Variants in MEMO1 observed in about 807,000 individuals in gnomAD.
MEMO1 encodes the protein mediator of cell motility 1.
In MEMO1, 6 loss-of-function variants were observed where a neutral mutation model predicts 45.2. The observed-to-expected ratio is 0.13, with a 90% CI of 0.07 to 0.26. The LOEUF (loss-of-function observed/expected upper bound fraction) is 0.26, where lower values mean the gene tolerates loss of function less well. Ranked by LOEUF, MEMO1 falls within the 10% of genes least tolerant of loss-of-function variation. MEMO1 has a pLI of 1.00. For missense variants in MEMO1, 184 were observed against 370.5 expected, an observed-to-expected ratio of 0.50 and a Z score of 4.13; for synonymous variants, 78 against 124.3, an observed-to-expected ratio of 0.63 and a Z score of 2.48.
intron 6 of MEMO1, among the ~76,000 whole-genome samples, chr2:31,909,624 C>T (rs1421337747): frequency 6.6e-6 from 1 of 152,134 alleles, no homozygotes; most frequent in Non-Finnish European, 1.5e-5. Flanking sequence ...ACATAAAAAA[C>T]TGGATAGATA....
At chr2:31,945,678 A>G (rs1666111670) in intron 2 of MEMO1, among the ~76,000 whole-genome samples, 1 of 152,166 alleles carries the variant, frequency 6.6e-6, no homozygotes, top group Admixed American at 6.5e-5. Flanking sequence ...TGAGATCATC[A>G]AGAGAGACGG....
intron 2 of MEMO1, among the ~76,000 whole-genome samples, chr2:31,980,267 T>C (rs1177130020): frequency 6.6e-6 from 1 of 151,966 alleles, no homozygotes. Flanking sequence ...CCCCCAACTC[T>C]ACAGAAAATT....
intron 2 of MEMO1, among the ~76,000 whole-genome samples, chr2:31,969,349 C>T (rs1669009161): frequency 7.0e-6 from 1 of 143,240 alleles, no homozygotes; most frequent in African/African-American, 2.7e-5. Flanking sequence ...ACACATTATA[C>T]ATATATATGT....
intron 2 of MEMO1, among the ~76,000 whole-genome samples, chr2:32,000,850 C>T (rs1673215014): frequency 6.6e-6 from 1 of 151,596 alleles, no homozygotes; most frequent in African/African-American, 2.4e-5. Context: ...CCCAATTTTC[C>T]TTACTTTATC....
chr2:31,984,886 G>A (rs1671086493), intron 2 of MEMO1, among the ~76,000 whole-genome samples: 1 of 152,196 alleles, frequency 6.6e-6, no homozygotes, highest in Non-Finnish European at 1.5e-5. Flanking sequence ...GGAGTTAATT[G>A]TACTGACCAA....
chr2:31,925,491 A>AAAAAAAAAAAAAAAAAAAAC (rs1682963239), intron 4 of MEMO1, among the ~76,000 whole-genome samples: 1 of 132,504 alleles, frequency 7.5e-6, no homozygotes, highest in African/African-American at 2.5e-5. Context: ...AAAAAAAAAA[A>AAAAAAAAAAAAAAAAAAAAC]AAAAAAAATC....
intron 2 of MEMO1, among the ~76,000 whole-genome samples, chr2:31,945,755 G>C (rs1333957986): frequency 6.6e-6 from 1 of 152,098 alleles, no homozygotes; most frequent in African/African-American, 2.4e-5. Context: ...CTAGTTCCAA[G>C]TTGTAAAATT....
intron 2 of MEMO1, among the ~76,000 whole-genome samples, chr2:31,972,503 G>A (rs1251869804): frequency 4.6e-5 from 7 of 152,152 alleles, no homozygotes; most frequent in Admixed American, 2.0e-4. Flanking sequence ...TTGAGGTCAG[G>A]AGTTCTAGAC....
At chr2:32,005,010 T>C (rs935415668) in intron 2 of MEMO1, among the ~76,000 whole-genome samples, 1 of 150,412 alleles carries the variant, frequency 6.6e-6, no homozygotes, top group Non-Finnish European at 1.5e-5. Flanking sequence ...AAATCACATA[T>C]ACATTGACCA....
chr2:31,910,967 G>T lies in MEMO1; in HGVS notation c.437+6959C>A, dbSNP rs911890994. Among the ~76,000 whole-genome samples the T allele has an allele frequency of 3.9e-5, 6 of 151,906 alleles. No homozygotes were observed. In the East Asian group the frequency reaches 9.7e-4, roughly 24 times the overall value. ...AAACATATATATGTATAAATGATAT[G>T]ATGAGAGGAAAAAATTATAGTCATA... On this transcript the variant is annotated intron_variant, in intron 6 of 9. Transcript: ENST00000404530.
intron 5 of MEMO1, among the ~76,000 whole-genome samples, chr2:31,919,895 CGT>C (rs1194033272): frequency 6.7e-6 from 1 of 150,054 alleles, no homozygotes; most frequent in Non-Finnish European, 1.5e-5. Flanking sequence ...CACATATGGG[CGT>C]GTGTGTACAT....
chr2:31,921,617 C>T (rs1360990391), intron 4 of MEMO1, among the ~76,000 whole-genome samples: 1 of 152,092 alleles, frequency 6.6e-6, no homozygotes, highest in African/African-American at 2.4e-5. Flanking sequence ...AATTCTAACA[C>T]ATTCTAAAAT....
chr2:31,880,512 C>A (rs1339584129), intron 8 of MEMO1, among the ~76,000 whole-genome samples: 1 of 152,134 alleles, frequency 6.6e-6, no homozygotes, highest in East Asian at 1.9e-4. Context: ...AATCCAGATT[C>A]CTTACTAAAA....
In MEMO1 at chr2:31,884,346, T is replaced by A. The variant is rs142708663; in HGVS notation, c.581-884A>T. ...TTAGCAGTGCCTTTTTTCTAAGAACTCATTACTTTTGTATTTCCTTAATGT... is the reference window on the plus strand; with the variant it reads ...TTAGCAGTGCCTTTTTTCTAAGAACACATTACTTTTGTATTTCCTTAATGT... On this transcript the variant is annotated intron_variant, in intron 7 of 9. Transcript: ENST00000404530. 4.9e-3 allele frequency among the ~76,000 whole-genome samples: 745 copies of A among 151,668 alleles called. 11 individuals carry two copies. Among genetic ancestry groups the A allele is most frequent in the African/African-American group, 0.017 (704 of 41,510 alleles).
At chr2:31,885,810 C>T (rs920050513) in intron 7 of MEMO1, among the ~76,000 whole-genome samples, 1 of 152,160 alleles carries the variant, frequency 6.6e-6, no homozygotes, top group Non-Finnish European at 1.5e-5. Flanking sequence ...CAGAGAAAAA[C>T]GCATATACTA....
intron 2 of MEMO1, among the ~76,000 whole-genome samples, chr2:32,006,550 C>G (rs1162823673): frequency 6.6e-6 from 1 of 150,494 alleles, no homozygotes; most frequent in Non-Finnish European, 1.5e-5. Flanking sequence ...TTTAAACAAC[C>G]CATTAAATAT....
chr2:31,949,665 A>G (rs1666607991), intron 2 of MEMO1, among the ~76,000 whole-genome samples: 1 of 135,384 alleles, frequency 7.4e-6, no homozygotes, highest in Non-Finnish European at 1.6e-5. Flanking sequence ...AAAAAAAACC[A>G]GAAAGAAGGA....
At chr2:31,914,650 TA>T (rs946465079) in intron 6 of MEMO1, among the ~76,000 whole-genome samples, 18 of 151,828 alleles carry the variant, frequency 1.2e-4, no homozygotes, top group South Asian at 4.2e-4. Context: ...TGTTTTCAAT[TA>T]AAAAAAATGC....
chr2:31,970,732 G>A (rs1044745292), intron 2 of MEMO1, among the ~76,000 whole-genome samples: 8 of 152,116 alleles, frequency 5.3e-5, no homozygotes, highest in Non-Finnish European at 7.4e-5. Flanking sequence ...CAGCCGGCAC[G>A]GTGGCTCACG....
Sources: allele counts gnomAD v4.1 joint callset (sites outside exome capture counted in the v4.1 genomes callset), GRCh38; gene constraint gnomAD v4.1.1; transcripts MANE v1.5; gene names NCBI Gene and HGNC (gene_info 2026-07-23, HGNC 2026-07-21).